Variants in MCTP2 observed in about 807,000 individuals in gnomAD.
MCTP2 encodes the protein multiple C2 and transmembrane domain containing 2.
MCTP2 carries 132 observed loss-of-function variants against 111.6 expected under a neutral mutation model. The ratio of observed to expected loss-of-function variants is 1.18; its 90% CI spans 1.03 to 1.37. MCTP2 has a LOEUF of 1.37. Ranked by LOEUF, MCTP2 falls within the 40% of genes most tolerant of loss-of-function variation. The pLI is 0.00. For synonymous variants in MCTP2, 395 were observed against 387.7 expected (o/e 1.02, Z -0.22); for missense variants, 1,183 against 1,067.9 (o/e 1.11, Z -1.50).
rs980556611 is a variant in MCTP2, at chr15:94,315,546, T to C, written c.546T>C (p.Ser182=). The change falls in exon 4 of 23, where the codon AGT becomes AGC. Residue 182 remains serine, a synonymous_variant. Coordinates refer to ENST00000357742, the MANE Select transcript of MCTP2 (RefSeq NM_001385001.1). ...CTGTGCAGGTACCGGGGGAAGCCAG[T>C]GATGGCTTGAGTAACCTCCCCAGCC... ...FEEQSVPGEA[S]DGLSNLPSPF... The C allele has an allele frequency of 3.1e-6, 5 of 1,613,768 alleles. No individual in the cohort carries two copies. The highest frequency in any genetic ancestry group is 4.2e-6 in the Non-Finnish European group (5 of 1,179,714).
Position 94,340,806 on chromosome 15 carries a change from C to T in MCTP2, c.858-7C>T. 6.3e-7 allele frequency: 1 copy of T among 1,578,972 alleles called. No homozygotes were observed. The highest frequency in any genetic ancestry group is 8.7e-7 in the Non-Finnish European group (1 of 1,150,112). ...TGGTAGCATTATTTGTTGCTTTTTG[C>T]TTGTAGAACAACTGAACATATTTTA... On this transcript the variant is annotated splice_region_variant and splice_polypyrimidine_tract_variant and intron_variant, in intron 6 of 22. Transcript: ENST00000357742.
intron 14 of MCTP2, among the ~76,000 whole-genome samples, chr15:94,395,040 T>A (rs1225375936): frequency 2.0e-5 from 3 of 152,086 alleles, no homozygotes; most frequent in Admixed American, 2.0e-4. Flanking sequence ...ACCTAGTAGA[T>A]CTCTCTCTAG....
chr15:94,422,192 C>A (rs993960057), intron 17 of MCTP2, among the ~76,000 whole-genome samples: 1 of 152,110 alleles, frequency 6.6e-6, no homozygotes, highest in African/African-American at 2.4e-5. Context: ...TGGGAGGAAG[C>A]TGTGTACCTG....
chr15:94,384,769 T>C (rs2080358187), intron 13 of MCTP2, among the ~76,000 whole-genome samples: 1 of 152,156 alleles, frequency 6.6e-6, no homozygotes, highest in Non-Finnish European at 1.5e-5. Flanking sequence ...TCATTTTGAG[T>C]AGAGTTAATG....
chr15:94,446,607 GTTTC>G (rs554033720), intron 19 of MCTP2, among the ~76,000 whole-genome samples: 40 of 152,104 alleles, frequency 2.6e-4, no homozygotes, highest in South Asian at 6.2e-4. Context: ...TTGCACTAGA[GTTTC>G]TTTCTTTTTC....
chr15:94,265,893 ATCATT>A (rs1223955733), intron 1 of MCTP2, among the ~76,000 whole-genome samples: 14 of 152,210 alleles, frequency 9.2e-5, no homozygotes, highest in Admixed American at 3.3e-4. Flanking sequence ...AACATTTTTA[ATCATT>A]TCATTTCAGA....
chr15:94,463,430 A>G (rs775221014), intron 20 of MCTP2, among the ~76,000 whole-genome samples: 12 of 152,034 alleles, frequency 7.9e-5, no homozygotes, highest in Non-Finnish European at 1.3e-4. Flanking sequence ...CATGAAATTA[A>G]TTTTTCTGCT....
At chr15:94,274,639 C>G (rs376712570) in intron 1 of MCTP2, among the ~76,000 whole-genome samples, 1 of 152,058 alleles carries the variant, frequency 6.6e-6, no homozygotes, top group Non-Finnish European at 1.5e-5. Flanking sequence ...CCCCCCTCCC[C>G]ACAACAGCAA....
rs1230286170 is a variant in MCTP2 at position 94,470,430 on chromosome 15, A to G, written c.2458A>G (p.Ile820Val). 4 of 1,608,178 alleles carry G rather than the reference A, an allele frequency of 2.5e-6. No individual in the cohort carries two copies. Among genetic ancestry groups the G allele is most frequent in the Non-Finnish European group, 3.4e-6 (4 of 1,174,692 alleles). Residue 820 changes from isoleucine (I) to valine (V), a missense_variant, in exon 21 of 23, where the codon ATT becomes GTT. By Grantham distance (29) the Ile-to-Val change is conservative. Transcript: ENST00000357742. ...ILYFIPLRYIILIWGINKFTK... is the reference protein window; with the variant it reads ...ILYFIPLRYIVLIWGINKFTK... Reference sequence around the variant, plus strand: ...GTATTTCATTCCACTGCGGTACATCATTTTAATCTGGGGTAAGTTTGGAAT... The same window carrying G: ...GTATTTCATTCCACTGCGGTACATCGTTTTAATCTGGGGTAAGTTTGGAAT...
chr15:94,366,343 A>G (rs969727360), intron 10 of MCTP2, among the ~76,000 whole-genome samples: 1 of 152,228 alleles, frequency 6.6e-6, no homozygotes, highest in African/African-American at 2.4e-5. Flanking sequence ...GATAAATAGG[A>G]AATAAATGCC....
intron 17 of MCTP2, among the ~76,000 whole-genome samples, chr15:94,416,665 G>A (rs949586379): frequency 2.0e-5 from 3 of 152,134 alleles, no homozygotes; most frequent in African/African-American, 7.2e-5. Flanking sequence ...AAACACTTGC[G>A]ATGGCTTTAG....
At chr15:94,421,334 A>G (rs1000798826) in intron 17 of MCTP2, among the ~76,000 whole-genome samples, 1 of 152,140 alleles carries the variant, frequency 6.6e-6, no homozygotes, top group Non-Finnish European at 1.5e-5. Context: ...AACCAAACTC[A>G]CAAGATCTCA....
At chr15:94,450,814 G>GACTTTGTCCCTTTGTTTGTCC (rs1481880157) in intron 19 of MCTP2, among the ~76,000 whole-genome samples, 4 of 152,132 alleles carry the variant, frequency 2.6e-5, no homozygotes, top group Admixed American at 2.6e-4. Context: ...CAATTTTCAG[G>GACTTTGTCCCTTTGTTTGTCC]ACTTTGTCTC....
intron 7 of MCTP2, chr15:94,343,489 A>G (rs1338101900): frequency 1.3e-5 from 2 of 152,158 alleles, no homozygotes; most frequent in African/African-American, 4.8e-5. Context: ...CAAGCTGACA[A>G]AAATCTCAGT....
At chr15:94,276,234 A>G (rs2074204442) in intron 1 of MCTP2, among the ~76,000 whole-genome samples, 1 of 152,188 alleles carries the variant, frequency 6.6e-6, no homozygotes, top group South Asian at 2.1e-4. Context: ...ATAGGGACAT[A>G]TTCATAAACA....
At chr15:94,283,149 C>T (rs1323034928) in intron 1 of MCTP2, among the ~76,000 whole-genome samples, 1 of 152,100 alleles carries the variant, frequency 6.6e-6, no homozygotes, top group African/African-American at 2.4e-5. Context: ...GTTGAAAAAC[C>T]TATGGCAGTG....
At chr15:94,474,093 TTTCTG>T (rs2074146198) in intron 21 of MCTP2, among the ~76,000 whole-genome samples, 1 of 152,210 alleles carries the variant, frequency 6.6e-6, no homozygotes, top group Non-Finnish European at 1.5e-5. Context: ...ACTTGCTTTT[TTTCTG>T]TTCTTTCTTT....
At chr15:94,351,892 C>T (rs2078323584) in intron 8 of MCTP2, among the ~76,000 whole-genome samples, 1 of 152,178 alleles carries the variant, frequency 6.6e-6, no homozygotes, top group Admixed American at 6.5e-5. Context: ...GGATTTCTTT[C>T]CTCCTGACCT....
chr15:94,373,429 G>C (rs2079590110), intron 12 of MCTP2, among the ~76,000 whole-genome samples: 1 of 152,136 alleles, frequency 6.6e-6, no homozygotes, highest in African/African-American at 2.4e-5. Context: ...GCCTAAATCT[G>C]TGTATATTAC....
Sources: allele counts gnomAD v4.1 joint callset (sites outside exome capture counted in the v4.1 genomes callset), GRCh38; gene constraint gnomAD v4.1.1; transcripts MANE v1.5; gene names NCBI Gene and HGNC (gene_info 2026-07-23, HGNC 2026-07-21).